The following BICD1 variants were observed in gnomAD, a reference collection of about 807,000 sequenced individuals.
BICD1 encodes protein bicaudal D homolog 1.
BICD1 carries 35 observed loss-of-function variants against 92.5 expected under a neutral mutation model. That is an observed-to-expected ratio of 0.38 (90% CI 0.29 to 0.50). The LOEUF (loss-of-function observed/expected upper bound fraction) is 0.50, where lower values mean the gene tolerates loss of function less well. Among genes scored for constraint, BICD1 ranks in the 20% least tolerant of loss-of-function variants. The pLI is 0.93. For missense variants in BICD1, 950 were observed against 1,189.8 expected, an observed-to-expected ratio of 0.80 and a Z score of 2.97; for synonymous variants, 429 against 465.1, an observed-to-expected ratio of 0.92 and a Z score of 1.00.
intron 9 of BICD1, among the ~76,000 whole-genome samples, chr12:32,370,239 CG>C (rs1160949668): frequency 2.0e-5 from 3 of 151,716 alleles, no homozygotes; most frequent in Non-Finnish European, 4.4e-5. Context: ...TGGTGATGTG[CG>C]CCTGTAATCT....
Position 32,313,115 on chromosome 12 carries a change from A to ATT in BICD1, c.1005+7002_1005+7003dup, listed in dbSNP as rs56041021. On this transcript the variant is annotated intron_variant, in intron 4 of 9. Transcript: ENST00000652176. The surrounding 1 kb of genome is among the most constrained non-coding windows in gnomAD (Gnocchi z 4.2). ...AACTAAGCAGGGGAAAACTCTTTGG[A>ATT]TTTTTTTTTTCAGTATTATGCTGGG... Among the ~76,000 whole-genome samples the ATT allele has an allele frequency of 9.2e-4, 139 of 150,664 alleles. No individual in the cohort carries two copies. Among genetic ancestry groups the ATT allele is most frequent in the African/African-American group, 3.0e-3 (123 of 41,118 alleles).
At chr12:32,332,069 C>G (rs1000690932) in intron 5 of BICD1, among the ~76,000 whole-genome samples, 4 of 152,136 alleles carry the variant, frequency 2.6e-5, no homozygotes, top group African/African-American at 7.2e-5. Flanking sequence ...ATGTCATTTA[C>G]AGGGACATGG....
chr12:32,168,007 C>CGTGCGTGTGTGTGT, intron 1 of BICD1, among the ~76,000 whole-genome samples: 1 of 149,792 alleles, frequency 6.7e-6, no homozygotes, highest in East Asian at 2.0e-4. Context: ...AAGGAGATGG[C>CGTGCGTGTGTGTGT]GTGTGTGTGT....
chr12:32,298,012 T>C (rs1947921209), intron 3 of BICD1, among the ~76,000 whole-genome samples: 1 of 151,644 alleles, frequency 6.6e-6, no homozygotes, highest in African/African-American at 2.4e-5. Context: ...GGAGACCTCA[T>C]CTCTACCAAC....
At chr12:32,339,251 C>G (rs147041597) in intron 8 of BICD1, 3 of 1,150,030 alleles carry the variant, frequency 2.6e-6, no homozygotes, top group African/African-American at 3.2e-5. Context: ...GCAACAAGCA[C>G]AACGCACACA....
chr12:32,256,985 C>A (rs543158120), intron 2 of BICD1, among the ~76,000 whole-genome samples: 7 of 151,994 alleles, frequency 4.6e-5, no homozygotes, highest in African/African-American at 1.7e-4. Context: ...GAGGCCAAGG[C>A]GGGCGGATCA....
chr12:32,187,542 C>T (rs767329324), intron 1 of BICD1, among the ~76,000 whole-genome samples: 6 of 152,014 alleles, frequency 3.9e-5, no homozygotes, highest in South Asian at 2.1e-4. Flanking sequence ...CGTGGTGGCG[C>T]GCTCCTATAA....
intron 4 of BICD1, among the ~76,000 whole-genome samples, chr12:32,310,129 C>T (rs920777121): frequency 6.6e-6 from 1 of 152,170 alleles, no homozygotes; most frequent in Non-Finnish European, 1.5e-5. Flanking sequence ...TCCTTCTGAT[C>T]AAGTACCCCT....
At chr12:32,183,264 CT>C (rs11296815) in intron 1 of BICD1, among the ~76,000 whole-genome samples, 21,233 of 132,598 alleles carry the variant, frequency 0.16, 1,372 homozygotes, top group Non-Finnish European at 0.19. Context: ...CTAATAATTA[CT>C]TTTTTTTTTT....
chr12:32,128,211 A>G (rs943681165), intron 1 of BICD1, among the ~76,000 whole-genome samples: 1 of 152,266 alleles, frequency 6.6e-6, no homozygotes, highest in African/African-American at 2.4e-5. Flanking sequence ...GCCTGAGCTA[A>G]TTCTTAAGAA....
chr12:32,252,128 A>C (rs1946569881), intron 2 of BICD1, among the ~76,000 whole-genome samples: 1 of 129,992 alleles, frequency 7.7e-6, no homozygotes, highest in South Asian at 2.2e-4. Flanking sequence ...TATATTTATA[A>C]TAAATATTAT....
At chr12:32,260,885 G>A (rs1330451507) in intron 2 of BICD1, among the ~76,000 whole-genome samples, 2 of 152,150 alleles carry the variant, frequency 1.3e-5, no homozygotes, top group East Asian at 3.8e-4. Flanking sequence ...TACTGGTTTT[G>A]CCCAAGGGTC....
At chr12:32,312,273 C>T (rs1487059832) in intron 4 of BICD1, among the ~76,000 whole-genome samples, 2 of 152,170 alleles carry the variant, frequency 1.3e-5, no homozygotes, top group Admixed American at 1.3e-4. Context: ...ATGGTAATAA[C>T]AAGTATAAAC....
chr12:32,375,394 G>A (rs1939914624), intron 9 of BICD1, among the ~76,000 whole-genome samples: 1 of 152,108 alleles, frequency 6.6e-6, no homozygotes, highest in Non-Finnish European at 1.5e-5. Context: ...GCCGGACGCG[G>A]TGGTGGGCCC....
chr12:32,211,735 G>C (rs1484580984), intron 1 of BICD1, among the ~76,000 whole-genome samples: 1 of 149,814 alleles, frequency 6.7e-6, no homozygotes, highest in Non-Finnish European at 1.5e-5. Context: ...TGGGGTTCTT[G>C]ACACACAGTT....
chr12:32,242,424 G>A (rs1338362891), intron 2 of BICD1, among the ~76,000 whole-genome samples: 4 of 152,024 alleles, frequency 2.6e-5, no homozygotes, highest in African/African-American at 9.7e-5. Context: ...CTACTAGGGA[G>A]GCCAAGGCAG....
chr12:32,114,670 T>C (rs1941825415), intron 1 of BICD1, among the ~76,000 whole-genome samples: 1 of 152,140 alleles, frequency 6.6e-6, no homozygotes, highest in Non-Finnish European at 1.5e-5. Context: ...AGGCTAACTT[T>C]CAATTTAATA....
At position 32,210,167 on chromosome 12, in the gene BICD1, CT is replaced by C. The variant is rs961224474; in HGVS notation, c.214-6079del. On this transcript the variant is annotated intron_variant, in intron 1 of 9. Coordinates refer to ENST00000652176, the MANE Select transcript of BICD1 (RefSeq NM_001714.4). ...CAGAACATAGCTGAATCCTCAGTGC[CT>C]AAAGCAGTGCCTGACATAGTACAGT... Among the ~76,000 whole-genome samples the C allele has an allele frequency of 1.5e-4, 23 of 152,116 alleles. 1 individual carries two copies. Among genetic ancestry groups the C allele is most frequent in the Admixed American group, 1.2e-3 (19 of 15,276 alleles).
chr12:32,295,090 A>AT (rs1016755292), intron 3 of BICD1, among the ~76,000 whole-genome samples: 14 of 148,900 alleles, frequency 9.4e-5, no homozygotes, highest in Middle Eastern at 3.2e-3. Flanking sequence ...TCGAAAAAAA[A>AT]AAAAAAAAAG....
Sources: gnomAD v4.1 joint callset for allele counts (sites outside exome capture counted in the v4.1 genomes callset) on GRCh38, gnomAD v4.1.1 for gene constraint, Gnocchi (gnomAD v3.1) non-coding constraint, MANE v1.5 for transcripts, NCBI Gene and HGNC (gene_info 2026-07-23, HGNC 2026-07-21) for gene names.